BBS9: variants seen among roughly 807,000 people sequenced by gnomAD.
BBS9 encodes protein PTHB1.
Under a neutral mutation model 117.7 loss-of-function variants are expected in BBS9, and 89 were observed. The observed-to-expected ratio is 0.76, with a 90% CI of 0.64 to 0.90. BBS9 has a LOEUF of 0.90. Ranked by LOEUF, BBS9 falls within the 40% of genes least tolerant of loss-of-function variation. The pLI is 0.00. For synonymous variants in BBS9, 379 were observed against 370.9 expected (o/e 1.02, Z -0.25); for missense variants, 982 against 1,042.2 (o/e 0.94, Z 0.80).
In BBS9 at chr7:33,280,349, G is replaced by A. The variant is rs139178508; in HGVS notation, c.1016+6393G>A. Among the ~76,000 whole-genome samples the A allele has an allele frequency of 7.2e-4, 110 of 152,166 alleles. 1 individual carries two copies. The East Asian group carries it at 0.018, about 24-fold the overall frequency. ...TCCCTCCCTCCCCACTCTTGTAGTC[G>A]ACAGTGTCTGTTGTTCCCATGTTTA... is the stretch of plus-strand genomic sequence containing the variant. On this transcript the variant is annotated intron_variant, in intron 9 of 22. Coordinates refer to ENST00000242067, the MANE Select transcript of BBS9 (RefSeq NM_198428.3).
intron 5 of BBS9, among the ~76,000 whole-genome samples, chr7:33,181,963 T>C (rs921701420): frequency 3.3e-5 from 5 of 152,120 alleles, no homozygotes; most frequent in Admixed American, 6.5e-5. Context: ...GGTGGGTGCC[T>C]GTAATCTCAG....
At chr7:33,345,502 C>A (rs1817428768) in intron 12 of BBS9, among the ~76,000 whole-genome samples, 1 of 152,156 alleles carries the variant, frequency 6.6e-6, no homozygotes, top group Non-Finnish European at 1.5e-5. Context: ...ACACTGGAAC[C>A]AGCGGGTGGC....
At chr7:33,546,505 T>C (rs1427177378) in intron 21 of BBS9, among the ~76,000 whole-genome samples, 5 of 152,354 alleles carry the variant, frequency 3.3e-5, no homozygotes, top group Non-Finnish European at 7.3e-5. Context: ...CCATATTAAA[T>C]TGAAATTTCT....
chr7:33,234,950 C>A (rs1410990682), intron 5 of BBS9, among the ~76,000 whole-genome samples: 3 of 146,956 alleles, frequency 2.0e-5, no homozygotes, highest in Non-Finnish European at 4.6e-5. Flanking sequence ...ATAATATAAT[C>A]ATTTTTTCTC....
chr7:33,400,004 T>G (rs1482697183), intron 19 of BBS9, among the ~76,000 whole-genome samples: 1 of 152,154 alleles, frequency 6.6e-6, no homozygotes, highest in Non-Finnish European at 1.5e-5. Context: ...ATAAATTGAA[T>G]GCATGCTTCT....
intron 19 of BBS9, among the ~76,000 whole-genome samples, chr7:33,483,272 A>G (rs1161479740): frequency 1.3e-5 from 2 of 152,158 alleles, no homozygotes; most frequent in East Asian, 3.9e-4. Flanking sequence ...CCCTTCTTGG[A>G]CTTTGTACTC....
intron 4 of BBS9, among the ~76,000 whole-genome samples, chr7:33,169,719 T>C (rs1035334003): frequency 1.3e-5 from 2 of 152,024 alleles, no homozygotes. Context: ...TAGCCCTTTG[T>C]CAGATGAGTA....
intron 9 of BBS9, among the ~76,000 whole-genome samples, chr7:33,298,372 G>T (rs1805703755): frequency 6.6e-6 from 1 of 152,032 alleles, no homozygotes. Context: ...GCTTTGTGGG[G>T]TTATTTTGGG....
chr7:33,492,215 A>AC lies in BBS9; in HGVS notation c.2116-13248_2116-13247insC, dbSNP rs1472996375. Among the ~76,000 whole-genome samples, 35 of 139,436 alleles carry AC rather than the reference A, an allele frequency of 2.5e-4. 1 individual carries two copies. Among genetic ancestry groups the AC allele is most frequent in the African/African-American group, 7.0e-4 (24 of 34,248 alleles). The allele number at this position is 139,436 out of a possible 152,430, so 91.5% of individuals were successfully genotyped here. On this transcript the variant is annotated intron_variant, in intron 19 of 22. Transcript: ENST00000242067. ...AAGATTCCACCTCGAAAAAAAAAAC[A>AC]AAAAAAAAACAAAAAAAAAACTTGG...
chr7:33,252,658 AAC>A (rs983073866), intron 5 of BBS9, among the ~76,000 whole-genome samples: 1 of 152,022 alleles, frequency 6.6e-6, no homozygotes, highest in Admixed American at 6.6e-5. Flanking sequence ...TATTGAAATG[AAC>A]ACAAATTTTA....
intron 16 of BBS9, among the ~76,000 whole-genome samples, chr7:33,366,676 C>G (rs180785989): frequency 5.3e-4 from 80 of 151,748 alleles, no homozygotes; most frequent in Middle Eastern, 3.4e-3. Context: ...TCCTGGGTAG[C>G]TGGGACTACA....
intron 21 of BBS9, among the ~76,000 whole-genome samples, chr7:33,535,665 A>G (rs1851252454): frequency 6.6e-6 from 1 of 152,200 alleles, no homozygotes; most frequent in Non-Finnish European, 1.5e-5. Context: ...CCTAAGAGAT[A>G]TTTAGGCTTA....
chr7:33,430,063 G>A (rs531056258), intron 19 of BBS9, among the ~76,000 whole-genome samples: 2 of 152,286 alleles, frequency 1.3e-5, no homozygotes, highest in East Asian at 1.9e-4. Flanking sequence ...CTACTAGGAT[G>A]GGTCCAACCT....
intron 9 of BBS9, among the ~76,000 whole-genome samples, chr7:33,281,983 T>TA (rs1264166783): frequency 2.0e-5 from 3 of 150,916 alleles, no homozygotes; most frequent in Non-Finnish European, 4.4e-5. Context: ...TCTGGCAGAT[T>TA]AAAAAAAAAT....
intron 19 of BBS9, among the ~76,000 whole-genome samples, chr7:33,467,275 T>C (rs565551653): frequency 6.6e-6 from 1 of 152,220 alleles, no homozygotes. Flanking sequence ...TCTCTTTTAG[T>C]TCTAGTTTGT....
At chr7:33,524,999 G>A (rs1176451204) in intron 20 of BBS9, among the ~76,000 whole-genome samples, 1 of 152,088 alleles carries the variant, frequency 6.6e-6, no homozygotes, top group African/African-American at 2.4e-5. Context: ...CCTTCATTTT[G>A]TTATGTATCC....
At chr7:33,354,144 T>C (rs1028089147) in intron 15 of BBS9, among the ~76,000 whole-genome samples, 1 of 152,164 alleles carries the variant, frequency 6.6e-6, no homozygotes, top group Non-Finnish European at 1.5e-5. Flanking sequence ...AAGTGAAAGC[T>C]GGTTTTAATA....
At chr7:33,256,474 TTC>T (rs1242259001) in intron 5 of BBS9, among the ~76,000 whole-genome samples, 2 of 149,516 alleles carry the variant, frequency 1.3e-5, no homozygotes, top group Non-Finnish European at 3.0e-5. Flanking sequence ...ACTCAGTTTG[TTC>T]TCTCTCTTTT....
intron 17 of BBS9, among the ~76,000 whole-genome samples, chr7:33,382,286 C>T (rs1294601097): frequency 6.6e-6 from 1 of 151,766 alleles, no homozygotes; most frequent in Non-Finnish European, 1.5e-5. Flanking sequence ...ATGGTGAAAC[C>T]CCATCTCTAC....
Sources: gnomAD v4.1 joint callset for allele counts (sites outside exome capture counted in the v4.1 genomes callset) on GRCh38, gnomAD v4.1.1 for gene constraint, MANE v1.5 for transcripts, NCBI Gene and HGNC (gene_info 2026-07-23, HGNC 2026-07-21) for gene names.